DLG2: variants seen among roughly 807,000 people sequenced by gnomAD.
DLG2 encodes the protein disks large homolog 2.
A neutral mutation model predicts 132.5 loss-of-function variants in DLG2; 45 were observed. The ratio of observed to expected loss-of-function variants is 0.34; its 90% CI spans 0.27 to 0.44. The LOEUF is 0.44. DLG2 is among the 20% of genes least tolerant of loss of function. The pLI, the probability that DLG2 is intolerant of heterozygous loss-of-function variation, is 1.00. For missense variants in DLG2, 1,045 were observed against 1,196.9 expected (o/e 0.87, Z 1.87); for synonymous variants, 424 against 419.6 (o/e 1.01, Z -0.13).
intron 6 of DLG2, among the ~76,000 whole-genome samples, chr11:84,854,418 A>G (rs929851943): frequency 3.3e-5 from 5 of 151,912 alleles, no homozygotes; most frequent in Non-Finnish European, 4.4e-5. Flanking sequence ...GTTAACACAT[A>G]CAAAACCTGT....
At chr11:83,791,100 T>A (rs2041427176) in intron 17 of DLG2, 1 of 674,106 alleles carries the variant, frequency 1.5e-6, no homozygotes, top group South Asian at 1.8e-5. Flanking sequence ...ACTGGAAGAG[T>A]GGCCTTGACT....
rs1039354142 is a variant in DLG2 at position 83,620,677 on chromosome 11, C to T, written c.1940+12534G>A. ...CGAGGTCAGGAGATCGAGACCATCC[C>T]GGCTAAAACGGTGAAACCCCGTCTC... On this transcript the variant is annotated intron_variant, in intron 19 of 27. Transcript: ENST00000376104. 5.3e-5 allele frequency among the ~76,000 whole-genome samples: 8 copies of T among 151,238 alleles called. No homozygotes were observed. In the East Asian group the frequency reaches 1.2e-3, roughly 22 times the overall value.
intron 7 of DLG2, among the ~76,000 whole-genome samples, chr11:84,491,680 G>A (rs569665304): frequency 6.6e-6 from 1 of 152,284 alleles, no homozygotes; most frequent in East Asian, 1.9e-4. Flanking sequence ...GCAAGTGGCA[G>A]TTCTGCTCAT....
chr11:83,790,710 G>A lies in DLG2; in HGVS notation c.1723-3918C>T, dbSNP rs536269719. 13 of 794,450 alleles carry A rather than the reference G, an allele frequency of 1.6e-5. No individual in the cohort carries two copies. In the African/African-American group the frequency reaches 1.7e-4, roughly 10 times the overall value. The allele number at this position is 794,450 out of a possible 1,614,324, so 49.2% of individuals were successfully genotyped here. A position where few individuals can be genotyped will look rare whatever the true frequency, so the allele number is the denominator to read the frequency against. ...CTGCAACATGACTCCCGTGGTGCCA[G>A]TCAACAACCCATTCATGGACTGATC... On this transcript the variant is annotated intron_variant, in intron 17 of 27. Transcript: ENST00000376104.
intron 6 of DLG2, among the ~76,000 whole-genome samples, chr11:84,709,331 T>C (rs2060122205): frequency 6.6e-6 from 1 of 151,892 alleles, no homozygotes; most frequent in Admixed American, 6.6e-5. Flanking sequence ...AAAAAGCTTC[T>C]TTCTAGGTTA....
intron 7 of DLG2, among the ~76,000 whole-genome samples, chr11:84,482,191 T>A (rs1423102002): frequency 6.6e-6 from 1 of 152,182 alleles, no homozygotes; most frequent in African/African-American, 2.4e-5. Context: ...AAGAATCTTC[T>A]TTTTAAAAAG....
At chr11:85,265,668 T>C (rs1242198827) in intron 4 of DLG2, among the ~76,000 whole-genome samples, 2 of 152,218 alleles carry the variant, frequency 1.3e-5, no homozygotes, top group East Asian at 3.8e-4. Context: ...CTGATTAATG[T>C]CTTTTTACCA....
chr11:85,243,939 C>T (rs1052318611), intron 4 of DLG2, among the ~76,000 whole-genome samples: 7 of 151,954 alleles, frequency 4.6e-5, no homozygotes, highest in African/African-American at 7.2e-5. Flanking sequence ...TTAGTCTAAG[C>T]GTCTTTATAT....
chr11:84,923,447 G>A lies in DLG2; in HGVS notation c.357+188214C>T, dbSNP rs1270518070. On this transcript the variant is annotated intron_variant, in intron 6 of 27. Transcript: ENST00000376104. ...AAAAAAAAAAAAGAAGAAGAAGAAGGAGGGGGGAATGAGCTCACTCAGGAA... is the reference window on the plus strand; with the variant it reads ...AAAAAAAAAAAAGAAGAAGAAGAAGAAGGGGGGAATGAGCTCACTCAGGAA... 5.0e-5 allele frequency: 48 copies of A among 959,296 alleles called. No individual in the cohort carries two copies. In the Admixed American group the frequency reaches 7.2e-4, roughly 14 times the overall value. 59.4% of individuals were successfully genotyped at this position (959,296 alleles called of 1,614,324 possible). A position where few individuals can be genotyped will look rare whatever the true frequency, so the allele number is the denominator to read the frequency against.
intron 21 of DLG2, among the ~76,000 whole-genome samples, chr11:83,488,908 A>T (rs1158718501): frequency 6.6e-6 from 1 of 152,102 alleles, no homozygotes; most frequent in Non-Finnish European, 1.5e-5. Context: ...AGAACAAGTA[A>T]TAATGTAACA....
chr11:85,560,532 C>A (rs932291444), intron 3 of DLG2, among the ~76,000 whole-genome samples: 4 of 151,582 alleles, frequency 2.6e-5, no homozygotes, highest in Non-Finnish European at 5.9e-5. Flanking sequence ...CCAGAAAGGG[C>A]AAATTTATAC....
At chr11:84,938,478 A>G (rs2154095703) in intron 6 of DLG2, among the ~76,000 whole-genome samples, 1 of 152,338 alleles carries the variant, frequency 6.6e-6, no homozygotes, top group South Asian at 2.1e-4. Flanking sequence ...CTGCCACTAA[A>G]AAAGTAAACT....
intron 6 of DLG2, among the ~76,000 whole-genome samples, chr11:84,995,486 CA>C (rs2057547788): frequency 1.3e-5 from 2 of 152,170 alleles, no homozygotes; most frequent in Admixed American, 1.3e-4. Context: ...TCTCTCTCCA[CA>C]GGATTATAAA....
intron 6 of DLG2, among the ~76,000 whole-genome samples, chr11:84,854,602 T>C (rs1018823345): frequency 1.3e-5 from 2 of 152,016 alleles, no homozygotes; most frequent in Non-Finnish European, 2.9e-5. Flanking sequence ...TCAGAAGTTG[T>C]ATTATTTGTA....
At chr11:83,770,567 C>T (rs185981563) in intron 18 of DLG2, among the ~76,000 whole-genome samples, 3 of 152,084 alleles carry the variant, frequency 2.0e-5, no homozygotes, top group Non-Finnish European at 4.4e-5. Flanking sequence ...AGGAAAAGTG[C>T]CCAAGAAAAC....
rs540422330 is a variant in DLG2 at position 83,657,534 on chromosome 11, CT to C, written c.1826-24210del. 6.1e-3 allele frequency among the ~76,000 whole-genome samples: 565 copies of C among 93,344 alleles called. 3 individuals carry two copies. Among genetic ancestry groups the C allele is most frequent in the African/African-American group, 0.023 (490 of 21,394 alleles). 61.2% of individuals were successfully genotyped at this position (93,344 alleles called of 152,430 possible). A position where few individuals can be genotyped will look rare whatever the true frequency, so the allele number is the denominator to read the frequency against. On this transcript the variant is annotated intron_variant, in intron 18 of 27. Coordinates refer to ENST00000376104, the MANE Select transcript of DLG2 (RefSeq NM_001142699.3). ...TCCGTGCTTTTATATATTGTCTATT[CT>C]TTTTTTTTTTTTTTTTTTTTTGAGA... is the stretch of plus-strand genomic sequence containing the variant.
intron 7 of DLG2, among the ~76,000 whole-genome samples, chr11:84,455,026 C>T (rs565689031): frequency 1.3e-5 from 2 of 151,386 alleles, no homozygotes; most frequent in East Asian, 2.0e-4. Context: ...AACTTGAAAA[C>T]GTTTTGCTTT....
intron 8 of DLG2, among the ~76,000 whole-genome samples, chr11:84,226,075 C>G (rs1330467755): frequency 6.6e-6 from 1 of 152,124 alleles, no homozygotes; most frequent in African/African-American, 2.4e-5. Context: ...CCTCCCAAAG[C>G]GTTGGGATTA....
intron 7 of DLG2, among the ~76,000 whole-genome samples, chr11:84,407,026 A>G (rs1156662318): frequency 6.6e-6 from 1 of 152,184 alleles, no homozygotes. Context: ...CTAAAACTTT[A>G]GGCCTCATCA....
Sources: gnomAD v4.1 joint callset for allele counts (sites outside exome capture counted in the v4.1 genomes callset) on GRCh38, gnomAD v4.1.1 for gene constraint, MANE v1.5 for transcripts, NCBI Gene and HGNC (gene_info 2026-07-23, HGNC 2026-07-21) for gene names.